The following PTPRJ variants were observed in gnomAD, a reference collection of about 807,000 sequenced individuals.
PTPRJ encodes the protein protein tyrosine phosphatase receptor type J.
Under a neutral mutation model 141.3 loss-of-function variants are expected in PTPRJ, and 129 were observed. That is an observed-to-expected ratio of 0.91 (90% CI 0.79 to 1.06). PTPRJ has a LOEUF of 1.06. Among genes scored for constraint, PTPRJ ranks in the 50% least tolerant of loss-of-function variants. The probability of loss-of-function intolerance (pLI) is 0.00; values close to 1 mark genes in which losing one functional copy is unlikely to be tolerated. For synonymous variants in PTPRJ, 610 were observed against 640.5 expected, an observed-to-expected ratio of 0.95 and a Z score of 0.72; for missense variants, 1,601 against 1,679.7, an observed-to-expected ratio of 0.95 and a Z score of 0.82.
At chr11:48,012,076 A>G (rs1212809339) in intron 1 of PTPRJ, among the ~76,000 whole-genome samples, 1 of 152,026 alleles carries the variant, frequency 6.6e-6, no homozygotes, top group Non-Finnish European at 1.5e-5. Flanking sequence ...TGTAGTTCGG[A>G]TGGCTTCTTG....
At chr11:48,044,122 T>G (rs1854334202) in intron 1 of PTPRJ, among the ~76,000 whole-genome samples, 2 of 152,228 alleles carry the variant, frequency 1.3e-5, no homozygotes, top group South Asian at 4.1e-4. Context: ...ATGAGGAAGC[T>G]CTGATGCTCA....
intron 19 of PTPRJ, among the ~76,000 whole-genome samples, chr11:48,154,947 A>T (rs183410712): frequency 4.1e-4 from 62 of 152,136 alleles, no homozygotes; most frequent in African/African-American, 1.4e-3. Flanking sequence ...TTAGGCTGAG[A>T]CTCAGGTCAG....
At chr11:48,000,961 C>G (rs1255734302) in intron 1 of PTPRJ, among the ~76,000 whole-genome samples, 1 of 150,998 alleles carries the variant, frequency 6.6e-6, no homozygotes, top group Non-Finnish European at 1.5e-5. Flanking sequence ...TGGACTGGAC[C>G]TCCTCTTCCA....
Position 48,127,891 on chromosome 11 carries a change from A to G in PTPRJ, c.1205A>G (p.His402Arg), listed in dbSNP as rs775432395. 6.2e-7 allele frequency: 1 copy of G among 1,614,190 alleles called. No individual in the cohort carries two copies. Among genetic ancestry groups the G allele is most frequent in the South Asian group, 1.1e-5 (1 of 91,082 alleles). Reference sequence around the variant, plus strand: ...TCATCTAACTATACCTACAAGATACATGTGGCGGGGGAGACAGATTCTTCC... The same window carrying G: ...TCATCTAACTATACCTACAAGATACGTGTGGCGGGGGAGACAGATTCTTCC... ...ESSSNYTYKI[H>R]VAGETDSSNL... Residue 402 changes from histidine (H) to arginine (R), a missense_variant, in exon 7 of 25, where the codon CAT (histidine) becomes CGT (arginine). His to Arg is a conservative substitution (Grantham distance 29). Coordinates refer to ENST00000418331, the MANE Select transcript of PTPRJ (RefSeq NM_002843.4).
At chr11:48,043,764 G>A (rs1854325400) in intron 1 of PTPRJ, among the ~76,000 whole-genome samples, 1 of 152,174 alleles carries the variant, frequency 6.6e-6, no homozygotes, top group African/African-American at 2.4e-5. Context: ...AAGGGGCTAA[G>A]CCATGGTGGG....
chr11:48,064,587 C>A (rs917848487), intron 1 of PTPRJ, among the ~76,000 whole-genome samples: 1 of 151,548 alleles, frequency 6.6e-6, no homozygotes, highest in Non-Finnish European at 1.5e-5. Flanking sequence ...CTACGAAGCC[C>A]GAGCTGCAAA....
chr11:48,039,811 A>T (rs543951912), intron 1 of PTPRJ, among the ~76,000 whole-genome samples: 1 of 149,920 alleles, frequency 6.7e-6, no homozygotes, highest in Non-Finnish European at 1.5e-5. Context: ...TTTTTGAGAC[A>T]GAGTTTTGCT....
At chr11:48,059,148 T>A (rs1304269903) in intron 1 of PTPRJ, among the ~76,000 whole-genome samples, 1 of 131,424 alleles carries the variant, frequency 7.6e-6, no homozygotes, top group Non-Finnish European at 1.6e-5. Context: ...AGGCAGAGTC[T>A]CACTCTGTCC....
chr11:48,068,299 C>T (rs1224764180), intron 1 of PTPRJ, among the ~76,000 whole-genome samples: 1 of 152,112 alleles, frequency 6.6e-6, no homozygotes, highest in African/African-American at 2.4e-5. Flanking sequence ...TGTGTCCCCA[C>T]CTAAATTTCA....
At chr11:48,151,584 C>T (rs933174241) in intron 18 of PTPRJ, among the ~76,000 whole-genome samples, 16 of 150,178 alleles carry the variant, frequency 1.1e-4, no homozygotes, top group Non-Finnish European at 2.2e-4. Context: ...AGGTATATCT[C>T]CTAATGCTAT....
intron 11 of PTPRJ, among the ~76,000 whole-genome samples, chr11:48,141,939 T>G (rs1205139238): frequency 3.1e-5 from 1 of 31,782 alleles, no homozygotes; most frequent in African/African-American, 5.8e-5. Flanking sequence ...CCCCAATGTG[T>G]TTTTTTTTTT....
At position 48,153,772 on chromosome 11, in the gene PTPRJ, A is replaced by ACAC. The variant is rs765043219; in HGVS notation, c.3139-22_3139-20dup. On this transcript the variant is annotated intron_variant, in intron 18 of 24. Coordinates refer to ENST00000418331, the MANE Select transcript of PTPRJ (RefSeq NM_002843.4). The stretch of plus-strand genomic sequence containing the variant: ...TAATATTTGAAGACTAAATAAATGA[A>ACAC]CACCTCATTTGTTTTGTTTTCAGGA... 1.0e-4 allele frequency: 153 copies of ACAC among 1,459,292 alleles called. No homozygotes were observed. In the African/African-American group the frequency reaches 1.9e-3, roughly 18 times the overall value. The allele number at this position is 1,459,292 out of a possible 1,614,324, so 90.4% of individuals were successfully genotyped here. A position where few individuals can be genotyped will look rare whatever the true frequency, so the allele number is the denominator to read the frequency against.
intron 1 of PTPRJ, among the ~76,000 whole-genome samples, chr11:48,009,892 A>C (rs1205523856): frequency 6.6e-6 from 1 of 152,240 alleles, no homozygotes; most frequent in Non-Finnish European, 1.5e-5. Context: ...TGATCAGACC[A>C]AACAAGTTAT....
chr11:47,981,879 C>T (rs1406397026), intron 1 of PTPRJ, among the ~76,000 whole-genome samples: 1 of 152,192 alleles, frequency 6.6e-6, no homozygotes, highest in African/African-American at 2.4e-5. Context: ...GCTGAGCCAG[C>T]GGGCACGTCC....
At chr11:48,021,945 T>C (rs1006405774) in intron 1 of PTPRJ, among the ~76,000 whole-genome samples, 1 of 152,286 alleles carries the variant, frequency 6.6e-6, no homozygotes. Flanking sequence ...TTAAGAAACA[T>C]GGGCATGGAG....
intron 5 of PTPRJ, 123 bp from the exon 6 acceptor site, chr11:48,124,845 T>G: frequency 1.2e-6 from 1 of 862,574 alleles, no homozygotes; most frequent in Non-Finnish European, 1.9e-6. Context: ...GGAGCAGATA[T>G]TGATGGAGCA....
At chr11:48,131,456 CCAA>C in intron 8 of PTPRJ, 1 of 767,878 alleles carries the variant, frequency 1.3e-6, no homozygotes, top group Non-Finnish European at 2.4e-6. Context: ...TGCCTTTTCC[CCAA>C]CTTGCCAATT....
At chr11:48,081,570 G>A (rs1855558656) in intron 1 of PTPRJ, among the ~76,000 whole-genome samples, 1 of 152,004 alleles carries the variant, frequency 6.6e-6, no homozygotes. Context: ...TGTGTTGGTC[G>A]GTCGCCACAA....
At chr11:48,090,509 G>A (rs569308230) in intron 1 of PTPRJ, among the ~76,000 whole-genome samples, 1 of 152,308 alleles carries the variant, frequency 6.6e-6, no homozygotes, top group South Asian at 2.1e-4. Context: ...TTCAGAGACA[G>A]ATCCGTGCAG....
Sources: gnomAD v4.1 joint callset for allele counts (sites outside exome capture counted in the v4.1 genomes callset) on GRCh38, gnomAD v4.1.1 for gene constraint, MANE v1.5 for transcripts, NCBI Gene and HGNC (gene_info 2026-07-23, HGNC 2026-07-21) for gene names.